The following CCSER1 variants were observed in gnomAD, a reference collection of about 807,000 sequenced individuals.
CCSER1 encodes coiled-coil serine rich protein 1.
Under a neutral mutation model 82.0 loss-of-function variants are expected in CCSER1, and 41 were observed. The ratio of observed to expected loss-of-function variants is 0.50; its 90% CI spans 0.39 to 0.65. The LOEUF (loss-of-function observed/expected upper bound fraction) is 0.65, where lower values mean the gene tolerates loss of function less well. Among genes scored for constraint, CCSER1 ranks in the 30% least tolerant of loss-of-function variants. The pLI, the probability that CCSER1 is intolerant of heterozygous loss-of-function variation, is 0.00. For missense variants in CCSER1, 1,119 were observed against 1,064.2 expected, an observed-to-expected ratio of 1.05 and a Z score of -0.72; for synonymous variants, 414 against 383.9, an observed-to-expected ratio of 1.08 and a Z score of -0.92.
chr4:90,309,157 T>TTC lies in CCSER1; in HGVS notation c.875_876dup (p.Thr293LeufsTer35). 2 of 1,613,952 alleles carry TTC rather than the reference T, an allele frequency of 1.2e-6. No individual in the cohort carries two copies. Among genetic ancestry groups the TTC allele is most frequent in the Non-Finnish European group, 1.7e-6 (2 of 1,179,852 alleles). ...ACTGTGACAACTTTGGCCACAATGA[T>TTC]TCTACCTCTCAGATGTCCCTCAATT... On this transcript the variant is annotated frameshift_variant, in exon 2 of 11. Transcript: ENST00000509176. LOFTEE classifies it high-confidence loss of function.
chr4:91,305,033 C>T lies in CCSER1; in HGVS notation c.2217+219039C>T, dbSNP rs183329601. 2.4e-4 allele frequency among the ~76,000 whole-genome samples: 36 copies of T among 152,086 alleles called. 1 individual carries two copies. In the East Asian group the frequency reaches 6.4e-3, roughly 27 times the overall value. On this transcript the variant is annotated intron_variant, in intron 10 of 10. Coordinates refer to ENST00000509176, the MANE Select transcript of CCSER1 (RefSeq NM_001145065.2). Reference sequence around the variant, plus strand: ...GATTTACCTTTAATGCTATATAAAACATCTGAAACCTCAAACACATAGGAA... The same window carrying T: ...GATTTACCTTTAATGCTATATAAAATATCTGAAACCTCAAACACATAGGAA...
Position 90,339,743 on chromosome 4 carries a change from G to T in CCSER1, c.1509+26696G>T, listed in dbSNP as rs188075151. On this transcript the variant is annotated intron_variant, in intron 3 of 10. Coordinates refer to ENST00000509176, the MANE Select transcript of CCSER1 (RefSeq NM_001145065.2). ...ATCCCTGACCATTCTCTATAAAACA[G>T]CAACTGCTGTTTTTTTAATCTTTCC... Among the ~76,000 whole-genome samples the T allele has an allele frequency of 2.0e-5, 3 of 152,054 alleles. No individual in the cohort carries two copies. The East Asian group carries it at 5.8e-4, about 29-fold the overall frequency.
intron 8 of CCSER1, among the ~76,000 whole-genome samples, chr4:90,895,651 A>G (rs1267633900): frequency 6.6e-6 from 1 of 151,950 alleles, no homozygotes; most frequent in Non-Finnish European, 1.5e-5. Context: ...GCCCAGTTGA[A>G]GAAGGTAGAG....
intron 9 of CCSER1, among the ~76,000 whole-genome samples, chr4:90,946,568 T>C (rs1581172739): frequency 6.6e-6 from 1 of 151,280 alleles, no homozygotes; most frequent in African/African-American, 2.4e-5. Context: ...GAGACTGAGG[T>C]TACAGTGAGC....
intron 9 of CCSER1, among the ~76,000 whole-genome samples, chr4:90,941,363 G>A (rs1731561059): frequency 6.6e-6 from 1 of 151,908 alleles, no homozygotes; most frequent in Admixed American, 6.6e-5. Context: ...AGACCCTAAA[G>A]TAATATGTTA....
At chr4:90,843,239 A>AG (rs1762790355) in intron 8 of CCSER1, among the ~76,000 whole-genome samples, 1 of 151,716 alleles carries the variant, frequency 6.6e-6, no homozygotes. Context: ...GTCAGTGAAA[A>AG]AAAAAAGTGT....
At chr4:91,114,871 T>G (rs1299796135) in intron 10 of CCSER1, among the ~76,000 whole-genome samples, 1 of 152,218 alleles carries the variant, frequency 6.6e-6, no homozygotes, top group Non-Finnish European at 1.5e-5. Flanking sequence ...TGTACACTTA[T>G]ATACAACATG....
intron 8 of CCSER1, among the ~76,000 whole-genome samples, chr4:90,842,879 A>C (rs992563213): frequency 3.3e-5 from 5 of 150,594 alleles, no homozygotes; most frequent in African/African-American, 4.9e-5. Context: ...CCTTTCTCCC[A>C]AAAATTTACA....
chr4:91,005,982 GTT>G (rs1316849283), intron 9 of CCSER1, among the ~76,000 whole-genome samples: 2 of 152,092 alleles, frequency 1.3e-5, no homozygotes, highest in African/African-American at 4.8e-5. Flanking sequence ...AGCTTTATAA[GTT>G]TATTTTGAAA....
At chr4:90,746,449 G>T (rs1747488932) in intron 7 of CCSER1, among the ~76,000 whole-genome samples, 2 of 152,056 alleles carry the variant, frequency 1.3e-5, no homozygotes, top group Admixed American at 6.6e-5. Context: ...ATCCTATCAA[G>T]CTATACACAT....
chr4:90,989,476 GA>G (rs1165404555), intron 9 of CCSER1, among the ~76,000 whole-genome samples: 1 of 151,640 alleles, frequency 6.6e-6, no homozygotes, highest in African/African-American at 2.4e-5. Flanking sequence ...CAGAGCATTA[GA>G]AAAAATAGGT....
chr4:91,024,452 G>A (rs1023721300), intron 9 of CCSER1, among the ~76,000 whole-genome samples: 1 of 151,958 alleles, frequency 6.6e-6, no homozygotes, highest in Admixed American at 6.6e-5. Context: ...GAGAAAAACT[G>A]AGTTTTTAAA....
intron 3 of CCSER1, among the ~76,000 whole-genome samples, chr4:90,342,920 C>A (rs1431718609): frequency 6.6e-6 from 1 of 151,698 alleles, no homozygotes; most frequent in Non-Finnish European, 1.5e-5. Context: ...TCTTATTGCT[C>A]TTTTCTTATC....
At chr4:91,451,515 G>A (rs1755868398) in intron 10 of CCSER1, among the ~76,000 whole-genome samples, 1 of 151,718 alleles carries the variant, frequency 6.6e-6, no homozygotes, top group South Asian at 2.1e-4. Context: ...AGAAGTAGAA[G>A]ACCAGGAATA....
At chr4:90,170,785 G>T (rs531522435) in intron 1 of CCSER1, among the ~76,000 whole-genome samples, 106 of 151,668 alleles carry the variant, frequency 7.0e-4, no homozygotes, top group African/African-American at 2.5e-3. Flanking sequence ...CATTTAGTTT[G>T]CTTACAAATC....
chr4:91,257,763 T>C (rs982357409), intron 10 of CCSER1, among the ~76,000 whole-genome samples: 8 of 152,140 alleles, frequency 5.3e-5, no homozygotes, highest in African/African-American at 1.4e-4. Context: ...CACCTTAGTA[T>C]TAAATGCCCT....
At chr4:90,820,490 A>G (rs571654043) in intron 8 of CCSER1, among the ~76,000 whole-genome samples, 2 of 152,268 alleles carry the variant, frequency 1.3e-5, no homozygotes, top group East Asian at 3.9e-4. Flanking sequence ...AAGGCAGAAG[A>G]GTATGAATCT....
intron 10 of CCSER1, among the ~76,000 whole-genome samples, chr4:91,479,645 G>A (rs1316322677): frequency 6.6e-6 from 1 of 150,610 alleles, no homozygotes; most frequent in Non-Finnish European, 1.5e-5. Flanking sequence ...TTCCTAATGG[G>A]ACTAAGAATT....
intron 6 of CCSER1, among the ~76,000 whole-genome samples, chr4:90,703,283 TTGAG>T (rs1455110224): frequency 6.6e-6 from 1 of 152,246 alleles, no homozygotes; most frequent in Non-Finnish European, 1.5e-5. Flanking sequence ...TTGAGAAGTT[TTGAG>T]TGACTTTCTT....
Sources: gnomAD v4.1 joint callset for allele counts (sites outside exome capture counted in the v4.1 genomes callset) on GRCh38, gnomAD v4.1.1 for gene constraint, MANE v1.5 for transcripts, NCBI Gene and HGNC (gene_info 2026-07-23, HGNC 2026-07-21) for gene names.